INPP5A: variants seen among roughly 807,000 people sequenced by gnomAD.
The protein encoded by INPP5A is 43 kDa inositol polyphosphate 5-phophatase.
In INPP5A, 14 loss-of-function variants were observed where a neutral mutation model predicts 65.2. That is an observed-to-expected ratio of 0.21 (90% confidence interval 0.14 to 0.34). The LOEUF (loss-of-function observed/expected upper bound fraction) is 0.34. INPP5A is among the 10% of genes least tolerant of loss of function. The pLI, the probability that INPP5A is intolerant of heterozygous loss-of-function variation, is 1.00. For synonymous variants in INPP5A, 207 were observed against 208.3 expected (o/e 0.99, Z 0.05); for missense variants, 431 against 545.6 (o/e 0.79, Z 2.09).
In INPP5A at chr10:132,545,848, T is replaced by C. The variant is rs1392860933; in HGVS notation, c.75+7677T>C. Among the ~76,000 whole-genome samples the C allele has an allele frequency of 6.6e-6, 1 of 152,196 alleles. No individual in the cohort carries two copies. The highest frequency in any genetic ancestry group is 1.5e-5 in the Non-Finnish European group (1 of 68,032). On this transcript the variant is annotated intron_variant, in intron 1 of 15. Transcript: ENST00000368594. This position sits in a 1 kb window ranked among gnomAD's most constrained non-coding sequence, Gnocchi z 4.6. ...GCTTTGTGGAGCTCTGAGCGCTGGC[T>C]CCAGGCCGGCTTTCAGGAAGGCCGA...
At chr10:132,664,967 C>T (rs1023995751) in intron 4 of INPP5A, among the ~76,000 whole-genome samples, 1 of 152,114 alleles carries the variant, frequency 6.6e-6, no homozygotes, top group Admixed American at 6.5e-5. Context: ...TTTCCCGTTG[C>T]AACTGAGGCG....
intron 4 of INPP5A, among the ~76,000 whole-genome samples, chr10:132,677,550 T>G (rs908324813): frequency 6.6e-6 from 1 of 152,240 alleles, no homozygotes; most frequent in Non-Finnish European, 1.5e-5. Context: ...CCAGGACTGC[T>G]GGTCACCTTG....
intron 11 of INPP5A, among the ~76,000 whole-genome samples, chr10:132,750,929 G>A (rs1028612535): frequency 1.3e-5 from 2 of 152,214 alleles, no homozygotes; most frequent in Non-Finnish European, 2.9e-5. Context: ...AGCATCCTGG[G>A]CCAGCCAGGT....
intron 9 of INPP5A, among the ~76,000 whole-genome samples, chr10:132,732,026 G>A (rs1166461727): frequency 6.6e-6 from 1 of 152,226 alleles, no homozygotes; most frequent in Non-Finnish European, 1.5e-5. Flanking sequence ...ACCCCAGGCA[G>A]TGGCAATGCA....
intron 6 of INPP5A, among the ~76,000 whole-genome samples, chr10:132,699,361 G>GTGGGGGGGGGCTGGGC (rs1845398976): frequency 7.3e-6 from 1 of 137,264 alleles, no homozygotes; most frequent in Admixed American, 7.2e-5. Context: ...GGGTGCTGGG[G>GTGGGGGGGGGCTGGGC]TGGGGGGGGG....
At chr10:132,559,940 C>A (rs2071180304) in intron 1 of INPP5A, among the ~76,000 whole-genome samples, 2 of 152,164 alleles carry the variant, frequency 1.3e-5, no homozygotes, top group African/African-American at 4.8e-5. Flanking sequence ...GAACCTGTGT[C>A]TCCAGCTCTC....
rs77060500 is a variant in INPP5A, at chr10:132,740,586, T to C, written c.733-8931T>C. Reference sequence around the variant, plus strand: ...ATTAACTCGTTTTAAGGAAAACCCATGTAAAGTACTCGGGCCTTTTGTTGT... The same window carrying C: ...ATTAACTCGTTTTAAGGAAAACCCACGTAAAGTACTCGGGCCTTTTGTTGT... On this transcript the variant is annotated intron_variant, in intron 9 of 15. Coordinates refer to ENST00000368594, the MANE Select transcript of INPP5A (RefSeq NM_005539.5). Among the ~76,000 whole-genome samples the C allele has an allele frequency of 1.4e-3, 210 of 152,322 alleles. 1 individual carries two copies. In the East Asian group the frequency reaches 0.038, roughly 27 times the overall value.
intron 2 of INPP5A, among the ~76,000 whole-genome samples, chr10:132,614,131 G>A (rs1043688121): frequency 1.3e-5 from 2 of 152,144 alleles, no homozygotes; most frequent in African/African-American, 4.8e-5. Context: ...AACTCAGCCT[G>A]GCACTGGAGA....
chr10:132,766,953 G>A (rs1373737866), intron 12 of INPP5A, among the ~76,000 whole-genome samples: 2 of 147,830 alleles, frequency 1.4e-5, no homozygotes, highest in African/African-American at 5.0e-5. Context: ...GGGAGCTTGG[G>A]TGGGAGTTGG....
At chr10:132,770,168 C>G (rs1571145) in intron 12 of INPP5A, among the ~76,000 whole-genome samples, 92,316 of 152,022 alleles carry the variant, frequency 0.61, 28,629 homozygotes, top group East Asian at 0.87. Flanking sequence ...GCCTCAGCGT[C>G]CCCCTCAGGA....
intron 9 of INPP5A, among the ~76,000 whole-genome samples, chr10:132,733,465 G>A (rs775909782): frequency 6.6e-5 from 10 of 152,216 alleles, no homozygotes; most frequent in Non-Finnish European, 1.3e-4. Flanking sequence ...TAATTAAGGT[G>A]CCAATTAGGT....
intron 9 of INPP5A, among the ~76,000 whole-genome samples, chr10:132,730,351 A>G (rs946043627): frequency 3.9e-5 from 6 of 152,166 alleles, no homozygotes; most frequent in African/African-American, 1.4e-4. Flanking sequence ...GAGTCGGGTG[A>G]CAGACCCAGT....
intron 6 of INPP5A, among the ~76,000 whole-genome samples, chr10:132,702,473 G>T (rs989562538): frequency 5.3e-5 from 8 of 152,190 alleles, no homozygotes; most frequent in Non-Finnish European, 7.3e-5. Context: ...CTCAGGAGAA[G>T]AATAATTAAT....
chr10:132,696,767 G>A lies in INPP5A; in HGVS notation c.371-1049G>A, dbSNP rs141894672. Among the ~76,000 whole-genome samples the A allele has an allele frequency of 1.6e-3, 247 of 152,276 alleles. 2 individuals are homozygous for A. Among genetic ancestry groups the A allele is most frequent in the African/African-American group, 4.4e-3 (182 of 41,550 alleles). On this transcript the variant is annotated intron_variant, in intron 5 of 15. Transcript: ENST00000368594. ...GAGGCACCCACATCCAGGACTGTGC[G>A]CCTAGGGCTGGGCCGGGTCACAGCA...
chr10:132,591,809 T>C (rs1469971968), intron 1 of INPP5A, among the ~76,000 whole-genome samples: 4 of 152,148 alleles, frequency 2.6e-5, no homozygotes, highest in African/African-American at 7.2e-5. Flanking sequence ...CGCCTCTGCA[T>C]GTGTTCCCTT....
At chr10:132,734,558 C>A (rs1846143628) in intron 9 of INPP5A, among the ~76,000 whole-genome samples, 1 of 152,216 alleles carries the variant, frequency 6.6e-6, no homozygotes, top group African/African-American at 2.4e-5. Flanking sequence ...GGGTGAGTGT[C>A]CCACTGTTGG....
intron 12 of INPP5A, among the ~76,000 whole-genome samples, chr10:132,774,164 C>T (rs755234918): frequency 3.9e-5 from 6 of 152,204 alleles, no homozygotes; most frequent in Non-Finnish European, 8.8e-5. Flanking sequence ...GGTTTTAGGG[C>T]CTTCTCCTTT....
chr10:132,665,335 G>A (rs762109531), intron 4 of INPP5A, among the ~76,000 whole-genome samples: 6 of 152,190 alleles, frequency 3.9e-5, no homozygotes, highest in Non-Finnish European at 7.3e-5. Flanking sequence ...AGGAGTAAAC[G>A]GATCCTGTGT....
At chr10:132,689,906 G>A (rs1845228788) in intron 4 of INPP5A, among the ~76,000 whole-genome samples, 1 of 152,264 alleles carries the variant, frequency 6.6e-6, no homozygotes, top group African/African-American at 2.4e-5. Context: ...GCGCAGTGGA[G>A]CTGATGGTTG....
Sources: allele counts gnomAD v4.1 joint callset (sites outside exome capture counted in the v4.1 genomes callset), GRCh38; gene constraint gnomAD v4.1.1; non-coding constraint Gnocchi (gnomAD v3.1); transcripts MANE v1.5; gene names NCBI Gene and HGNC (gene_info 2026-07-23, HGNC 2026-07-21).